KIRREL2: variants seen among roughly 807,000 people sequenced by gnomAD.
The protein encoded by KIRREL2 is kirre like nephrin family adhesion molecule 2, also known as kin of IRRE-like protein 2.
A neutral mutation model predicts 73.4 loss-of-function variants in KIRREL2; 56 were observed. The ratio of observed to expected loss-of-function variants is 0.76; its 90% CI spans 0.62 to 0.95. KIRREL2 has a LOEUF of 0.95. KIRREL2 is among the 40% of genes least tolerant of loss of function. The pLI, the probability that KIRREL2 is intolerant of heterozygous loss-of-function variation, is 0.00. For missense variants in KIRREL2, 896 were observed against 935.0 expected, an observed-to-expected ratio of 0.96 and a Z score of 0.54; for synonymous variants, 407 against 404.0, an observed-to-expected ratio of 1.01 and a Z score of -0.09.
intron 2 of KIRREL2, 96 bp from the exon 3 acceptor site, chr19:35,858,312 G>C (rs1483299516): frequency 2.1e-6 from 3 of 1,432,108 alleles, no homozygotes; most frequent in Non-Finnish European, 2.9e-6. Flanking sequence ...CACCAAATGT[G>C]TGGGCCAGTT....
In KIRREL2 at chr19:35,860,411, G is replaced by A. The variant is rs779833673; in HGVS notation, c.779+9G>A. The A allele has an allele frequency of 2.5e-6, 4 of 1,611,402 alleles. No homozygotes were observed. The highest frequency in any genetic ancestry group is 1.7e-5 in the Admixed American group (1 of 59,998). ...CCTGTCACAGGCTACAGGTGAGGAC[G>A]AAGACCCACCTCTCCCCAGCCCCAA... On this transcript the variant is annotated intron_variant, in intron 6 of 14. Coordinates refer to ENST00000360202, the MANE Select transcript of KIRREL2 (RefSeq NM_199180.4).
intron 13 of KIRREL2, among the ~76,000 whole-genome samples, chr19:35,864,099 C>T (rs974439389): frequency 6.6e-6 from 1 of 151,700 alleles, no homozygotes; most frequent in African/African-American, 2.4e-5. Context: ...TAACAGTGAC[C>T]CCACACCCAA....
At chr19:35,866,069 CT>C in intron 14 of KIRREL2, 87 bp from the exon 15 acceptor site, 2 of 1,273,542 alleles carry the variant, frequency 1.6e-6, no homozygotes, top group Non-Finnish European at 2.2e-6. Context: ...CTCTCAAGGT[CT>C]GGTCTATTTC....
In KIRREL2 at chr19:35,866,839, A is replaced by G. The variant is rs1239311314; in HGVS notation, c.*347A>G. 4.7e-6 allele frequency: 2 copies of G among 421,162 alleles called. No individual in the cohort carries two copies. The highest frequency in any genetic ancestry group is 8.4e-6 in the Non-Finnish European group (2 of 237,070). 26.1% of individuals were successfully genotyped at this position (421,162 alleles called of 1,614,324 possible). ...TCTAGCCACTGAAAGAAGATATTTC[A>G]AGATGACCATCTGCATTGAGAGGAA... is the stretch of plus-strand genomic sequence containing the variant. On this transcript the variant is annotated 3_prime_UTR_variant, in exon 15 of 15. Transcript: ENST00000360202.
In KIRREL2 at chr19:35,862,914, C is replaced by T. The variant is rs200660489; in HGVS notation, c.1616-13C>T. 1.5e-5 allele frequency: 22 copies of T among 1,515,422 alleles called. No individual in the cohort carries two copies. The Admixed American group carries it at 2.9e-4, about 20-fold the overall frequency. The allele number at this position is 1,515,422 out of a possible 1,614,324, so 93.9% of individuals were successfully genotyped here. A position where few individuals can be genotyped will look rare whatever the true frequency, so the allele number is the denominator to read the frequency against. On this transcript the variant is annotated splice_polypyrimidine_tract_variant and intron_variant, in intron 12 of 14. Transcript: ENST00000360202. ...CCGCCCATCGCTTAACTCCACCGGT[C>T]GCTGTTTGTCAGCCTCAGCCTCTTT... is the stretch of plus-strand genomic sequence containing the variant.
chr19:35,859,870 C>A (rs539717291), intron 5 of KIRREL2, among the ~76,000 whole-genome samples: 2 of 152,168 alleles, frequency 1.3e-5, no homozygotes, highest in African/African-American at 4.8e-5. Context: ...CATGTCGAAA[C>A]CCCGTCTCTA....
At chr19:35,865,068 G>A (rs922718271) in intron 14 of KIRREL2, among the ~76,000 whole-genome samples, 5 of 151,844 alleles carry the variant, frequency 3.3e-5, no homozygotes, top group Non-Finnish European at 5.9e-5. Flanking sequence ...CTTCCTCTGG[G>A]GTCCTACCTC....
At position 35,857,166 on chromosome 19, in the gene KIRREL2, T is replaced by G; in HGVS notation, c.47T>G (p.Phe16Cys). 2 of 1,601,250 alleles carry G rather than the reference T, an allele frequency of 1.2e-6. No homozygotes were observed. The highest frequency in any genetic ancestry group is 1.7e-6 in the Non-Finnish European group (2 of 1,178,012). The change falls in exon 1 of 15, where the codon TTC becomes TGC. Residue 16 changes from phenylalanine (F) to cysteine (C), a missense_variant. By Grantham distance (205) the Phe-to-Cys change is radical. Transcript: ENST00000360202. ...VPALLVLLFC[F>C]RGRAGPSPHF... ...GCCCTCCTCGTCCTCCTCTTCTGCT[T>G]CAGAGGGAGAGCAGGTACCGCACGA...
chr19:35,851,827 C>T (rs557888757), upstream of KIRREL2: 4 of 1,551,744 alleles, frequency 2.6e-6, no homozygotes, highest in South Asian at 3.6e-5. Flanking sequence ...GAGCGTCGTC[C>T]CCAGGGCCAT....
rs757769967 is a variant in KIRREL2, at chr19:35,862,602, G to C, written c.1615+5G>C. The C allele has an allele frequency of 6.2e-7, 1 of 1,600,334 alleles. No homozygotes were observed. The highest frequency in any genetic ancestry group is 1.1e-5 in the South Asian group (1 of 90,974). ...GCTGCTGGCGCCACAGCAAGGGTTAGTGCCTGAGCCCCGCCCCGGCTCCCG... is the reference window on the plus strand; with the variant it reads ...GCTGCTGGCGCCACAGCAAGGGTTACTGCCTGAGCCCCGCCCCGGCTCCCG... On this transcript the variant is annotated splice_donor_5th_base_variant and intron_variant, in intron 12 of 14. Coordinates refer to ENST00000360202, the MANE Select transcript of KIRREL2 (RefSeq NM_199180.4).
chr19:35,853,708 A>G (rs1010869880), upstream of KIRREL2, among the ~76,000 whole-genome samples: 3 of 148,522 alleles, frequency 2.0e-5, no homozygotes, highest in Admixed American at 6.7e-5. Context: ...GTCTTTCTCT[A>G]TTGCCCAGGC....
chr19:35,858,986 C>G (rs1973551870), intron 4 of KIRREL2, 122 bp downstream of exon 4: 1 of 1,086,658 alleles, frequency 9.2e-7, no homozygotes, highest in Non-Finnish European at 1.3e-6. Context: ...GGTTTGGACT[C>G]TTGAAATATG....
chr19:35,858,166 T>A (rs983633873), intron 2 of KIRREL2, among the ~76,000 whole-genome samples: 76 of 152,034 alleles, frequency 5.0e-4, no homozygotes, highest in African/African-American at 1.8e-3. Context: ...AGAAGTAGTA[T>A]CTAACCTAAT....
rs1973982562 is a variant in KIRREL2 at position 35,866,559 on chromosome 19, A to G, written c.*67A>G. 1 of 1,606,082 alleles carries G rather than the reference A, an allele frequency of 6.2e-7. No individual in the cohort carries two copies. Among genetic ancestry groups the G allele is most frequent in the South Asian group, 1.1e-5 (1 of 89,938 alleles). On this transcript the variant is annotated 3_prime_UTR_variant, in exon 15 of 15. Transcript: ENST00000360202. ...TAATGGATTGTTCTGATTTCTGAGG[A>G]GCCAGGACAAGTTGGCGACCTTACT...
rs896403514 is a variant in KIRREL2 at position 35,866,183 on chromosome 19, C to T, written c.1818C>T (p.Val606=). The T allele has an allele frequency of 1.9e-6, 3 of 1,611,908 alleles. No individual in the cohort carries two copies. Among genetic ancestry groups the T allele is most frequent in the African/African-American group, 1.3e-5 (1 of 74,804 alleles). ...TKDPTNGYYK[V]RGVSVSLSLG... ...ACCCAACCAACGGTTACTACAAGGT[C>T]CGAGGAGTCAGTGTGAGCCTGAGCC... The change falls in exon 15 of 15, where the codon GTC becomes GTT. Residue 606 remains valine, a synonymous_variant. Coordinates refer to ENST00000360202, the MANE Select transcript of KIRREL2 (RefSeq NM_199180.4).
rs1323637280 is a variant in KIRREL2, at chr19:35,857,004, G to A, written c.-116G>A. The A allele has an allele frequency of 1.9e-6, 2 of 1,050,854 alleles. No homozygotes were observed. The highest frequency in any genetic ancestry group is 1.3e-5 in the South Asian group (1 of 77,736). The allele number at this position is 1,050,854 out of a possible 1,614,324, so 65.1% of individuals were successfully genotyped here. A position where few individuals can be genotyped will look rare whatever the true frequency, so the allele number is the denominator to read the frequency against. Reference sequence around the variant, plus strand: ...GACTCCAGGCCAGAGACTAGGCTGGGCGAAGAGTCGAGCGTGAAGGGGGCT... The same window carrying A: ...GACTCCAGGCCAGAGACTAGGCTGGACGAAGAGTCGAGCGTGAAGGGGGCT... On this transcript the variant is annotated 5_prime_UTR_variant, in exon 1 of 15. Coordinates refer to ENST00000360202, the MANE Select transcript of KIRREL2 (RefSeq NM_199180.4).
rs1973568663 is a variant in KIRREL2, at chr19:35,859,466, T to TAA, written c.523-14_523-13insAA. Reference sequence around the variant, plus strand: ...GATGGGTAGATGGCATTATTATTCTTATCCTTCCCTCCAGACCCTGCTGAA... The same window carrying TAA: ...GATGGGTAGATGGCATTATTATTCTTAAATCCTTCCCTCCAGACCCTGCTGAA... On this transcript the variant is annotated splice_polypyrimidine_tract_variant and intron_variant, in intron 4 of 14. Transcript: ENST00000360202. 6.2e-7 allele frequency: 1 copy of TAA among 1,610,914 alleles called. No homozygotes were observed. Among genetic ancestry groups the TAA allele is most frequent in the Non-Finnish European group, 8.5e-7 (1 of 1,177,606 alleles).
chr19:35,861,896 T>G lies in KIRREL2; in HGVS notation c.1382T>G (p.Leu461Arg). 6.2e-7 allele frequency: 1 copy of G among 1,604,866 alleles called. No individual in the cohort carries two copies. Among genetic ancestry groups the G allele is most frequent in the Non-Finnish European group, 8.5e-7 (1 of 1,176,104 alleles). The change falls in exon 11 of 15, where the codon CTG (leucine) becomes CGG (arginine). Residue 461 changes from leucine to arginine, a missense_variant. Coordinates refer to ENST00000360202, the MANE Select transcript of KIRREL2 (RefSeq NM_199180.4). ...TFPAPESRGG[L>R]GPGLISVLHI... ...CCTGCCCCAGAGAGCCGCGGGGGAC[T>G]GGGTCCGGGCCTGATCTCTGTGCTA...
upstream of KIRREL2, chr19:35,855,714 C>CAT (rs1973400001): frequency 6.8e-6 from 1 of 147,406 alleles, no homozygotes. Flanking sequence ...CACATACACA[C>CAT]AGGACTTAGG....
Sources: allele counts gnomAD v4.1 joint callset (sites outside exome capture counted in the v4.1 genomes callset), GRCh38; gene constraint gnomAD v4.1.1; transcripts MANE v1.5; gene names NCBI Gene and HGNC (gene_info 2026-07-23, HGNC 2026-07-21).